The following KHDRBS2 variants were observed in gnomAD, a reference collection of about 807,000 sequenced individuals.
The protein encoded by KHDRBS2 is KH RNA binding domain containing, signal transduction associated 2.
In KHDRBS2, 26 loss-of-function variants were observed where a neutral mutation model predicts 44.3. The ratio of observed to expected loss-of-function variants is 0.59; its 90% CI spans 0.43 to 0.81. The LOEUF is 0.81. KHDRBS2 is among the 40% of genes least tolerant of loss of function. The probability of loss-of-function intolerance (pLI) is 0.00; values close to 1 mark genes in which losing one functional copy is unlikely to be tolerated. For missense variants in KHDRBS2, 476 were observed against 433.1 expected (o/e 1.10, Z -0.88); for synonymous variants, 194 against 151.1 (o/e 1.28, Z -2.08).
chr6:61,904,086 A>G (rs1804541934), intron 4 of KHDRBS2, among the ~76,000 whole-genome samples: 1 of 152,154 alleles, frequency 6.6e-6, no homozygotes, highest in African/African-American at 2.4e-5. Context: ...TACATGAGAG[A>G]TATATTTCAG....
At chr6:61,855,545 G>A (rs192972719) in intron 6 of KHDRBS2, among the ~76,000 whole-genome samples, 68 of 151,378 alleles carry the variant, frequency 4.5e-4, no homozygotes, top group Admixed American at 1.9e-3. Flanking sequence ...ACATCTCTTT[G>A]GTACATCTTA....
chr6:62,244,938 G>A (rs775582839), intron 1 of KHDRBS2, among the ~76,000 whole-genome samples: 9 of 152,072 alleles, frequency 5.9e-5, no homozygotes, highest in Non-Finnish European at 1.3e-4. Flanking sequence ...CCTGGGCCAC[G>A]CAGCAGCAAG....
intron 3 of KHDRBS2, among the ~76,000 whole-genome samples, chr6:61,992,091 C>G (rs1344345434): frequency 6.6e-6 from 1 of 152,184 alleles, no homozygotes; most frequent in Non-Finnish European, 1.5e-5. Flanking sequence ...ACAGCATGTA[C>G]TCAAAGTCAA....
At chr6:62,088,276 C>A (rs774668334) in intron 2 of KHDRBS2, among the ~76,000 whole-genome samples, 1 of 152,162 alleles carries the variant, frequency 6.6e-6, no homozygotes, top group Admixed American at 6.5e-5. Context: ...GGAGAAGAGG[C>A]ATTCTGGCTT....
intron 1 of KHDRBS2, among the ~76,000 whole-genome samples, chr6:62,268,343 C>A (rs1327343747): frequency 6.6e-6 from 1 of 152,138 alleles, no homozygotes; most frequent in African/African-American, 2.4e-5. Context: ...TACATGCTTA[C>A]TAAATGATAG....
At chr6:61,604,582 C>A in the KHDRBS2 span, among the ~76,000 whole-genome samples, 1,821 of 152,310 alleles carry the variant, frequency 0.012, 36 homozygotes, top group African/African-American at 0.042. Flanking sequence ...TAGAACCACT[C>A]ATTTCCTTTC....
intron 1 of KHDRBS2, among the ~76,000 whole-genome samples, chr6:62,218,380 A>G (rs1830365501): frequency 6.6e-6 from 1 of 151,902 alleles, no homozygotes; most frequent in Admixed American, 6.6e-5. Context: ...AGCATTTTTA[A>G]TAACAATCTG....
chr6:62,177,353 A>C, intron 1 of KHDRBS2, 41 bp from the exon 2 acceptor site: 1 of 1,490,818 alleles, frequency 6.7e-7, no homozygotes, highest in Non-Finnish European at 9.2e-7. Flanking sequence ...GAAATGAGGA[A>C]CAATGTTATC....
chr6:61,826,925 A>T (rs1790970095), intron 6 of KHDRBS2, among the ~76,000 whole-genome samples: 1 of 152,202 alleles, frequency 6.6e-6, no homozygotes, highest in Non-Finnish European at 1.5e-5. Context: ...TAGCTAGAAG[A>T]TGCCAAGGCC....
chr6:61,623,544 C>A, the KHDRBS2 span, among the ~76,000 whole-genome samples: 8 of 152,164 alleles, frequency 5.3e-5, no homozygotes, highest in African/African-American at 1.7e-4. Flanking sequence ...TTATTAGAAA[C>A]TGGATTCTGT....
chr6:62,077,735 T>C (rs1158703886), intron 2 of KHDRBS2, among the ~76,000 whole-genome samples: 1 of 152,046 alleles, frequency 6.6e-6, no homozygotes, highest in African/African-American at 2.4e-5. Context: ...GTTATGCTCA[T>C]TGTCCTAACA....
chr6:61,885,380 G>A (rs1800800822), intron 6 of KHDRBS2, among the ~76,000 whole-genome samples: 1 of 152,132 alleles, frequency 6.6e-6, no homozygotes, highest in African/African-American at 2.4e-5. Flanking sequence ...TAGCTGAGCT[G>A]AATGATATGA....
the KHDRBS2 span, among the ~76,000 whole-genome samples, chr6:61,602,202 T>G: frequency 6.6e-6 from 1 of 152,180 alleles, no homozygotes; most frequent in East Asian, 1.9e-4. Flanking sequence ...GCCTTCAAGA[T>G]GTACAGTAAT....
chr6:62,004,272 G>T (rs945184312), intron 3 of KHDRBS2, among the ~76,000 whole-genome samples: 1 of 151,860 alleles, frequency 6.6e-6, no homozygotes, highest in Non-Finnish European at 1.5e-5. Flanking sequence ...TAGTAAAGAA[G>T]AAAAGAGAGA....
At chr6:62,257,688 G>C (rs557887776) in intron 1 of KHDRBS2, among the ~76,000 whole-genome samples, 5 of 151,950 alleles carry the variant, frequency 3.3e-5, no homozygotes, top group Non-Finnish European at 7.4e-5. Context: ...TTGCTTATAA[G>C]TTGCACCACT....
intron 2 of KHDRBS2, among the ~76,000 whole-genome samples, chr6:62,156,839 T>TC (rs1491211252): frequency 0.015 from 100 of 6,882 alleles, no homozygotes; most frequent in African/African-American, 0.023. Flanking sequence ...GCCCGGCTAA[T>TC]TTTTTTTTTT....
chr6:61,773,067 TC>T (rs1439288700), intron 6 of KHDRBS2, among the ~76,000 whole-genome samples: 1 of 152,216 alleles, frequency 6.6e-6, no homozygotes, highest in Non-Finnish European at 1.5e-5. Context: ...TGGTTCCAAG[TC>T]TTTGCTATTG....
intron 4 of KHDRBS2, among the ~76,000 whole-genome samples, chr6:61,935,235 G>T (rs1810813161): frequency 6.6e-6 from 1 of 152,158 alleles, no homozygotes; most frequent in South Asian, 2.1e-4. Flanking sequence ...AGCATCCCTG[G>T]AATGTAGGAA....
At chr6:62,134,546 G>C (rs1811071963) in intron 2 of KHDRBS2, among the ~76,000 whole-genome samples, 1 of 152,144 alleles carries the variant, frequency 6.6e-6, no homozygotes, top group South Asian at 2.1e-4. Context: ...GGAGCTGTGA[G>C]AAGAGGGCCA....
Sources: gnomAD v4.1 joint callset for allele counts (sites outside exome capture counted in the v4.1 genomes callset) on GRCh38, gnomAD v4.1.1 for gene constraint, MANE v1.5 for transcripts, NCBI Gene and HGNC (gene_info 2026-07-23, HGNC 2026-07-21) for gene names.